DIS3L2: variants seen among roughly 807,000 people sequenced by gnomAD.
DIS3L2 encodes DIS3 like 3'-5' exoribonuclease 2, also known as DIS3-like exonuclease 2.
In DIS3L2, 34 loss-of-function variants were observed where a neutral mutation model predicts 97.5. The ratio of observed to expected loss-of-function variants is 0.35; its 90% CI spans 0.27 to 0.46. The LOEUF is 0.46. DIS3L2 is among the 20% of genes least tolerant of loss of function. The pLI is 1.00. For missense variants in DIS3L2, 1,038 were observed against 1,146.0 expected, an observed-to-expected ratio of 0.91 and a Z score of 1.36; for synonymous variants, 435 against 445.2, an observed-to-expected ratio of 0.98 and a Z score of 0.29.
chr2:232,254,692 A>G lies in DIS3L2; in HGVS notation c.1425+5346A>G, dbSNP rs182844054. On this transcript the variant is annotated intron_variant, in intron 12 of 20. Transcript: ENST00000325385. The stretch of plus-strand genomic sequence containing the variant: ...AATGAGCTTCTAAAATATGAGGGTC[A>G]TAAAAGAAGCACTAGAAAGTGGCAA... 5.2e-3 allele frequency among the ~76,000 whole-genome samples: 791 copies of G among 152,340 alleles called. 7 individuals carry two copies. Among genetic ancestry groups the G allele is most frequent in the Non-Finnish European group, 8.7e-3 (594 of 68,032 alleles).
At chr2:232,236,451 A>G (rs1458664350) in intron 10 of DIS3L2, among the ~76,000 whole-genome samples, 2 of 152,210 alleles carry the variant, frequency 1.3e-5, no homozygotes, top group Non-Finnish European at 2.9e-5. Context: ...CAGGTAGACT[A>G]GTTTCAGGCT....
At chr2:232,229,086 T>C (rs938699238) in intron 10 of DIS3L2, among the ~76,000 whole-genome samples, 2 of 152,242 alleles carry the variant, frequency 1.3e-5, no homozygotes, top group African/African-American at 4.8e-5. Flanking sequence ...TCTGCCTCTA[T>C]TGGCTCGTTG....
At chr2:232,070,061 A>C (rs1487403192) in intron 5 of DIS3L2, among the ~76,000 whole-genome samples, 1 of 152,214 alleles carries the variant, frequency 6.6e-6, no homozygotes, top group Non-Finnish European at 1.5e-5. Context: ...AAGAAAAGCA[A>C]CCACCCATGT....
chr2:231,982,975 C>T (rs1693304393), intron 1 of DIS3L2, among the ~76,000 whole-genome samples: 1 of 152,080 alleles, frequency 6.6e-6, no homozygotes, highest in Non-Finnish European at 1.5e-5. Flanking sequence ...CCACTGCACC[C>T]AGCCTCAAGC....
chr2:232,026,103 G>T (rs1213877214), intron 4 of DIS3L2, among the ~76,000 whole-genome samples: 1 of 152,140 alleles, frequency 6.6e-6, no homozygotes, highest in African/African-American at 2.4e-5. Flanking sequence ...TGATAACACA[G>T]TATAGAATTT....
rs182931781 is a variant in DIS3L2 at position 232,112,476 on chromosome 2, G to T, written c.602-18143G>T. ...TAAGAGGAGAGACCATAACAGATGTGCTCTGGATCTTGCCTGCTGTAGCTC... is the reference window on the plus strand; with the variant it reads ...TAAGAGGAGAGACCATAACAGATGTTCTCTGGATCTTGCCTGCTGTAGCTC... On this transcript the variant is annotated intron_variant, in intron 6 of 20. Transcript: ENST00000325385. Among the ~76,000 whole-genome samples the T allele has an allele frequency of 3.9e-5, 6 of 152,268 alleles. No homozygotes were observed. The East Asian group carries it at 1.2e-3, about 29-fold the overall frequency.
chr2:232,242,335 G>T (rs561043773), intron 11 of DIS3L2, among the ~76,000 whole-genome samples: 1 of 152,210 alleles, frequency 6.6e-6, no homozygotes, highest in Non-Finnish European at 1.5e-5. Flanking sequence ...TGGCCAATGG[G>T]TTATCGCACT....
chr2:232,212,163 C>G (rs769258631), intron 10 of DIS3L2, among the ~76,000 whole-genome samples: 1 of 152,252 alleles, frequency 6.6e-6, no homozygotes, highest in Non-Finnish European at 1.5e-5. Flanking sequence ...TTCTTACATT[C>G]TTAGCAATCT....
At chr2:232,204,501 T>C (rs1691978271) in intron 9 of DIS3L2, among the ~76,000 whole-genome samples, 1 of 152,190 alleles carries the variant, frequency 6.6e-6, no homozygotes, top group South Asian at 2.1e-4. Flanking sequence ...TTTGGTTACA[T>C]AACATTGCTC....
intron 5 of DIS3L2, among the ~76,000 whole-genome samples, chr2:232,072,431 T>C (rs1365635033): frequency 6.6e-6 from 1 of 152,082 alleles, no homozygotes; most frequent in Non-Finnish European, 1.5e-5. Flanking sequence ...GTTCCTAGTG[T>C]GCTCAAGGAA....
At chr2:232,130,821 A>T in intron 7 of DIS3L2, 102 bp downstream of exon 7, 1 of 1,410,380 alleles carries the variant, frequency 7.1e-7, no homozygotes, top group Non-Finnish European at 9.3e-7. Context: ...TGGTCATTTA[A>T]TCAGAAAAGT....
Position 232,281,756 on chromosome 2 carries a change from G to A in DIS3L2, c.1660-18284G>A, listed in dbSNP as rs1006749815. Among the ~76,000 whole-genome samples the A allele has an allele frequency of 2.6e-5, 4 of 152,182 alleles. No individual in the cohort carries two copies. The highest frequency in any genetic ancestry group is 9.7e-5 in the African/African-American group (4 of 41,438). On this transcript the variant is annotated intron_variant, in intron 13 of 20. Transcript: ENST00000325385. This position sits in a 1 kb window ranked among gnomAD's most constrained non-coding sequence, Gnocchi z 4.1. The stretch of plus-strand genomic sequence containing the variant: ...AGGGGAGGAAGAGCAGGCATTGGGT[G>A]GAGACCCTCCAGGCTTGAGGTGCGT...
chr2:232,254,772 C>T (rs1044286097), intron 12 of DIS3L2, among the ~76,000 whole-genome samples: 2 of 152,144 alleles, frequency 1.3e-5, no homozygotes, highest in Non-Finnish European at 2.9e-5. Context: ...GTCTGGTGCC[C>T]AGGCCACTGG....
intron 9 of DIS3L2, among the ~76,000 whole-genome samples, chr2:232,195,479 G>T (rs1248791920): frequency 6.6e-6 from 1 of 150,798 alleles, no homozygotes; most frequent in Non-Finnish European, 1.5e-5. Context: ...ATGCTGGTTG[G>T]TTGGGTTGGG....
chr2:232,306,506 A>G (rs1298865465), intron 14 of DIS3L2, among the ~76,000 whole-genome samples: 1 of 152,148 alleles, frequency 6.6e-6, no homozygotes, highest in Non-Finnish European at 1.5e-5. Context: ...TTATTCTTCT[A>G]TACTCAATAA....
rs1553551585 is a variant in DIS3L2, at chr2:232,333,906, G to C, written c.2077G>C (p.Val693Leu). 5 of 1,612,768 alleles carry C rather than the reference G, an allele frequency of 3.1e-6. No individual in the cohort carries two copies. Among genetic ancestry groups the C allele is most frequent in the Non-Finnish European group, 4.2e-6 (5 of 1,179,914 alleles). The change falls in exon 17 of 21, where the codon GTG becomes CTG. Residue 693 changes from valine (V) to leucine (L), a missense_variant. Physicochemically the swap from Val to Leu is conservative, Grantham distance 32. This residue lies in a region of DIS3L2 where 813 missense variants were observed against 880.1 expected (regional missense o/e 0.92). Transcript: ENST00000325385. ...GCAGTTCCGGCACTACGCGCTCAAT[G>C]TGCCCCTGTACACACACTTCACCTC... ...PAQFRHYALN[V>L]PLYTHFTSPI...
At chr2:231,963,669 A>G (rs1457028254) in intron 1 of DIS3L2, among the ~76,000 whole-genome samples, 1 of 152,164 alleles carries the variant, frequency 6.6e-6, no homozygotes. Flanking sequence ...TGCCAAGGTC[A>G]GTGTCAAGAA....
At chr2:232,213,302 G>GTGATCAGA (rs1428667357) in intron 10 of DIS3L2, among the ~76,000 whole-genome samples, 1 of 152,172 alleles carries the variant, frequency 6.6e-6, no homozygotes, top group Non-Finnish European at 1.5e-5. Context: ...ACTGCACCAG[G>GTGATCAGA]TGATCAGATA....
chr2:232,084,568 C>CG (rs1696513310), intron 5 of DIS3L2, among the ~76,000 whole-genome samples: 1 of 152,050 alleles, frequency 6.6e-6, no homozygotes, highest in Non-Finnish European at 1.5e-5. Flanking sequence ...AAGGGCCCTG[C>CG]GGGAATCTTT....
Sources: gnomAD v4.1 joint callset for allele counts (sites outside exome capture counted in the v4.1 genomes callset) on GRCh38, gnomAD v4.1.1 for gene constraint, gnomAD v4.1.1 regional missense constraint, Gnocchi (gnomAD v3.1) non-coding constraint, MANE v1.5 for transcripts, NCBI Gene and HGNC (gene_info 2026-07-23, HGNC 2026-07-21) for gene names.